Variants in RTEL1 observed in about 807,000 individuals in gnomAD.
RTEL1 encodes regulator of telomere length.
In RTEL1, 86 loss-of-function variants were observed where a neutral mutation model predicts 162.2. The observed-to-expected ratio is 0.53, with a 90% CI of 0.45 to 0.63. RTEL1 has a LOEUF of 0.63. RTEL1 is among the 30% of genes least tolerant of loss of function. The pLI, the probability that RTEL1 is intolerant of heterozygous loss-of-function variation, is 0.00. For synonymous variants in RTEL1, 958 were observed against 717.9 expected (o/e 1.33, Z -5.35); for missense variants, 1,941 against 1,750.2 (o/e 1.11, Z -1.95).
At chr20:63,665,516 A>G (rs2090108672) in intron 6 of RTEL1, among the ~76,000 whole-genome samples, 1 of 152,186 alleles carries the variant, frequency 6.6e-6, no homozygotes, top group Admixed American at 6.5e-5. Context: ...TTAGCCCAGG[A>G]AAACCTGGCT....
intron 16 of RTEL1, 166 bp from the exon 17 acceptor site, chr20:63,687,472 G>A: frequency 1.3e-6 from 1 of 794,692 alleles, no homozygotes; most frequent in Non-Finnish European, 1.9e-6. Context: ...CTCACACTCA[G>A]GGCAGCCTCC....
chr20:63,674,788 C>A (rs2090315931), intron 10 of RTEL1, among the ~76,000 whole-genome samples: 1 of 152,126 alleles, frequency 6.6e-6, no homozygotes, highest in African/African-American at 2.4e-5. Flanking sequence ...ATCAGCTGCT[C>A]TGCCTGTAGG....
intron 27 of RTEL1, among the ~76,000 whole-genome samples, chr20:63,691,312 C>T (rs758026579): frequency 1.1e-4 from 16 of 152,186 alleles, no homozygotes; most frequent in Non-Finnish European, 2.4e-4. Flanking sequence ...AACCCAGGTT[C>T]CTTCTTCCTT....
rs2090973993 is a variant in RTEL1, at chr20:63,696,114, T to TG, written c.*256_*257insG. 1.8e-6 allele frequency: 1 copy of TG among 542,614 alleles called. No homozygotes were observed. The highest frequency in any genetic ancestry group is 1.9e-5 in the African/African-American group (1 of 52,192). 33.6% of individuals were successfully genotyped at this position (542,614 alleles called of 1,614,324 possible). A position where few individuals can be genotyped will look rare whatever the true frequency, so the allele number is the denominator to read the frequency against. On this transcript the variant is annotated 3_prime_UTR_variant, in exon 35 of 35. Transcript: ENST00000360203. ...AGTGCTTCCCCAGAACTTCCCTGGCTCCTGGCCTGTGAGTGGTGCCACAGG... is the reference window on the plus strand; with the variant it reads ...AGTGCTTCCCCAGAACTTCCCTGGCTGCCTGGCCTGTGAGTGGTGCCACAGG...
intron 6 of RTEL1, 26 bp downstream of exon 6, chr20:63,662,915 G>T (rs949914013): frequency 6.2e-7 from 1 of 1,610,598 alleles, no homozygotes; most frequent in African/African-American, 1.3e-5. Context: ...TGGGACCAGG[G>T]TCGGGTTGGA....
rs1250223128 is a variant in RTEL1, at chr20:63,689,183, G to T, written c.1878+51G>T. On this transcript the variant is annotated intron_variant, in intron 22 of 34. Coordinates refer to ENST00000360203, the MANE Select transcript of RTEL1 (RefSeq NM_001283009.2). ...TGACCTGGTTGCCTGTTCCCTGGTG[G>T]GTGCTTATGGCTCCCCAGCAGACTC... 1.3e-5 allele frequency: 20 copies of T among 1,546,662 alleles called. No individual in the cohort carries two copies. In the Admixed American group the frequency reaches 3.4e-4, roughly 26 times the overall value.
intron 6 of RTEL1, among the ~76,000 whole-genome samples, chr20:63,665,760 G>A (rs983160565): frequency 9.8e-5 from 15 of 152,310 alleles, no homozygotes; most frequent in African/African-American, 3.6e-4. Context: ...GCTGGCCTCC[G>A]TCTGGTCCAC....
At chr20:63,693,978 C>G (rs1037285790) in intron 30 of RTEL1, among the ~76,000 whole-genome samples, 1 of 151,512 alleles carries the variant, frequency 6.6e-6, no homozygotes, top group African/African-American at 2.4e-5. Context: ...GGGTGGAGTC[C>G]AAGTCTCCAG....
chr20:63,667,427 T>C (rs1347355397), intron 7 of RTEL1, 42 bp from the exon 8 acceptor site: 1 of 1,519,908 alleles, frequency 6.6e-7, no homozygotes, highest in South Asian at 1.1e-5. Context: ...CACCGTCCCC[T>C]GCATGGGGTG....
At position 63,687,706 on chromosome 20, in the gene RTEL1, C is replaced by G; in HGVS notation, c.1417C>G (p.Arg473Gly). Residue 473 changes from arginine to glycine, a missense_variant, in exon 17 of 35, where the codon CGC becomes GGC. Transcript: ENST00000360203. ...SMHELVRQGVRSLILTSGTLA... is the reference protein window; with the variant it reads ...SMHELVRQGVGSLILTSGTLA... ...GCACGAGCTGGTCCGCCAGGGCGTC[C>G]GCTCCCTCATCCTTACCAGCGGCAC... 1 of 1,604,998 alleles carries G rather than the reference C, an allele frequency of 6.2e-7. No individual in the cohort carries two copies. The highest frequency in any genetic ancestry group is 8.5e-7 in the Non-Finnish European group (1 of 1,177,434).
rs1163970988 is a variant in RTEL1 at position 63,690,811 on chromosome 20, C to T, written c.2420C>T (p.Pro807Leu). 4 of 1,603,076 alleles carry T rather than the reference C, an allele frequency of 2.5e-6. No individual in the cohort carries two copies. Among genetic ancestry groups the T allele is most frequent in the Non-Finnish European group, 2.5e-6 (3 of 1,176,824 alleles). The change falls in exon 27 of 35, where the codon CCA (proline) becomes CTA (leucine). Residue 807 changes from proline (P) to leucine (L), a missense_variant. Coordinates refer to ENST00000360203, the MANE Select transcript of RTEL1 (RefSeq NM_001283009.2). Reference protein sequence around the residue: ...PSLKQRSSGSPAAGDPESSLC... With the variant: ...PSLKQRSSGSLAAGDPESSLC... The stretch of plus-strand genomic sequence containing the variant: ...CACTCGGGTGCCCCTGCAGGGTCAC[C>T]AGCTGCCGGGGACCCCGAGAGTAGC...
In RTEL1 at chr20:63,692,802, CAGG is replaced by C. The variant is rs2145445535; in HGVS notation, c.2656_2658del (p.Glu886del). On this transcript the variant is annotated splice_acceptor_variant and coding_sequence_variant, in exon 29 of 35. Transcript: ENST00000360203. LOFTEE classifies it high-confidence loss of function. Reference sequence around the variant, plus strand: ...GATGGAGCCTCGGGCCTGTGTCCTGCAGGAGGAGCCCGTGGCTGGTGCACAGAC... The same window carrying C: ...GATGGAGCCTCGGGCCTGTGTCCTGCAGGAGCCCGTGGCTGGTGCACAGAC... 6.2e-7 allele frequency: 1 copy of C among 1,609,288 alleles called. No homozygotes were observed. The highest frequency in any genetic ancestry group is 1.3e-5 in the African/African-American group (1 of 74,972).
intron 10 of RTEL1, among the ~76,000 whole-genome samples, chr20:63,677,525 A>C (rs1329416618): frequency 6.6e-6 from 1 of 152,186 alleles, no homozygotes; most frequent in African/African-American, 2.4e-5. Context: ...AGACACGAGA[A>C]TTGCTTGAAC....
intron 10 of RTEL1, among the ~76,000 whole-genome samples, chr20:63,676,268 A>G (rs1191160143): frequency 6.6e-6 from 1 of 151,592 alleles, no homozygotes; most frequent in Admixed American, 6.6e-5. Flanking sequence ...TCTTTTCCTC[A>G]CACTTTATTT....
chr20:63,689,209 T>C, intron 22 of RTEL1, 77 bp downstream of exon 22: 1 of 1,411,164 alleles, frequency 7.1e-7, no homozygotes, highest in Non-Finnish European at 9.8e-7. Context: ...CAGCAGACTC[T>C]GGGCCCTGGG....
At position 63,661,396 on chromosome 20, in the gene RTEL1, C is replaced by G. The variant is rs753439095; in HGVS notation, c.201C>G (p.Ile67Met). Residue 67 changes from isoleucine to methionine, a missense_variant, in exon 3 of 35, where the codon ATC becomes ATG. Coordinates refer to ENST00000360203, the MANE Select transcript of RTEL1 (RefSeq NM_001283009.2). This position sits in a 1 kb window ranked among gnomAD's most constrained non-coding sequence, Gnocchi z 5.1. ...GGCGAGAACACCTCCGAGACGGCAT[C>G]TCTGCCCGCAAGATTGCCGAGAGGG... The part of the protein sequence containing the change: ...LAWREHLRDG[I>M]SARKIAERAQ... The G allele has an allele frequency of 6.2e-7, 1 of 1,614,014 alleles. No individual in the cohort carries two copies. Among genetic ancestry groups the G allele is most frequent in the South Asian group, 1.1e-5 (1 of 91,082 alleles).
Position 63,666,045 on chromosome 20 carries a change from A to G in RTEL1, c.580A>G (p.Ile194Val), listed in dbSNP as rs963605629. 1.7e-5 allele frequency: 27 copies of G among 1,614,130 alleles called. No individual in the cohort carries two copies. The highest frequency in any genetic ancestry group is 2.3e-5 in the Non-Finnish European group (27 of 1,180,008). Residue 194 changes from isoleucine to valine, a missense_variant, in exon 7 of 35, where the codon ATT (isoleucine) becomes GTT (valine). Coordinates refer to ENST00000360203, the MANE Select transcript of RTEL1 (RefSeq NM_001283009.2). ...GGAGCTGGCCAGCCCCATCCTGGAC[A>G]TTGAGGACTTGGTCAAGAGCGGAAG... is the stretch of plus-strand genomic sequence containing the variant. The part of the protein sequence containing the change: ...EQELASPILD[I>V]EDLVKSGSKH...
Position 63,694,464 on chromosome 20 carries a change from C to T in RTEL1, c.3085C>T (p.Leu1029=), listed in dbSNP as rs1389731696. 3.1e-6 allele frequency: 5 copies of T among 1,604,380 alleles called. No homozygotes were observed. Among genetic ancestry groups the T allele is most frequent in the East Asian group, 4.5e-5 (2 of 44,564 alleles). ...GCACCTGAACCAGGGCAGGCCCCAC[C>T]TGTCGCCCAGGCCACCCCCAACAGG... The part of the protein sequence containing the change: ...QEHLNQGRPH[L]SPRPPPTGDP... Residue 1029 remains leucine, a synonymous_variant, in exon 31 of 35, where the codon CTG becomes TTG. Coordinates refer to ENST00000360203, the MANE Select transcript of RTEL1 (RefSeq NM_001283009.2).
chr20:63,658,951 C>G (rs1224829902), intron 1 of RTEL1, among the ~76,000 whole-genome samples: 1 of 152,244 alleles, frequency 6.6e-6, no homozygotes, highest in Non-Finnish European at 1.5e-5. Context: ...AGGGGTGCCG[C>G]TTGCCTCTTC....
Sources: gnomAD v4.1 joint callset for allele counts (sites outside exome capture counted in the v4.1 genomes callset) on GRCh38, gnomAD v4.1.1 for gene constraint, Gnocchi (gnomAD v3.1) non-coding constraint, MANE v1.5 for transcripts, NCBI Gene and HGNC (gene_info 2026-07-23, HGNC 2026-07-21) for gene names.